PORCN: variants seen among roughly 807,000 people sequenced by gnomAD.
The protein encoded by PORCN is protein-serine O-palmitoleoyltransferase porcupine.
In PORCN, 1 loss-of-function variant was observed where a neutral mutation model predicts 43.0. That is an observed-to-expected ratio of 0.02 (90% CI 0.01 to 0.11). PORCN has a LOEUF of 0.11. PORCN is among the 10% of genes least tolerant of loss of function. PORCN has a pLI of 1.00. For missense variants in PORCN, 240 were observed against 392.1 expected (o/e 0.61, Z 3.28); for synonymous variants, 148 against 166.4 (o/e 0.89, Z 0.85).
Position 48,516,141 on chromosome X carries a change from C to A in PORCN, c.1168C>A (p.Arg390Ser). ...RCPPDCSHQH[R>S]LGLGVRALNL... ...CCCGCCAGACTGTTCGCACCAGCAT[C>A]GCTTGGTGAGGGTTCAGCCTGGGCA... is the stretch of plus-strand genomic sequence containing the variant. The change falls in exon 13 of 15, where the codon CGC becomes AGC. Residue 390 changes from arginine (R) to serine (S), a missense_variant. Physicochemically the swap from Arg to Ser is moderately radical, Grantham distance 110. Transcript: ENST00000326194. 1 of 1,209,460 alleles carries A rather than the reference C, an allele frequency of 8.3e-7. No individual in the cohort carries two copies. The highest frequency in any genetic ancestry group is 1.1e-6 in the Non-Finnish European group (1 of 893,519).
At chrX:48,518,159 T>A (rs1556975819) in intron 14 of PORCN, among the ~76,000 whole-genome samples, 2 of 109,064 alleles carry the variant, frequency 1.8e-5, no homozygotes, top group African/African-American at 6.7e-5. Context: ...AGCAATCCCC[T>A]TGCCTCAACC....
At chrX:48,509,619 G>A (rs2061659803) in intron 1 of PORCN, 165 bp from the exon 2 acceptor site, 6 of 1,136,849 alleles carry the variant, frequency 5.3e-6, no homozygotes, top group African/African-American at 1.8e-5. Context: ...ACAGTTGGTG[G>A]CTCAGTCTGA....
chrX:48,520,453 A>G lies in PORCN; in HGVS notation c.1363A>G (p.Ile455Val), dbSNP rs369356344. 3.6e-4 allele frequency: 433 copies of G among 1,205,573 alleles called. No individual in the cohort carries two copies. Among genetic ancestry groups the G allele is most frequent in the Non-Finnish European group, 4.8e-4 (426 of 891,661 alleles). Reference sequence around the variant, plus strand: ...TCACTGGGTCACTTTTGGATGCTGGATCTTCTACCGTCTCATAGGCTGAGG... The same window carrying G: ...TCACTGGGTCACTTTTGGATGCTGGGTCTTCTACCGTCTCATAGGCTGAGG... Reference protein sequence around the residue: ...ASHWVTFGCWIFYRLIG With the variant: ...ASHWVTFGCWVFYRLIG The change falls in exon 15 of 15, where the codon ATC (isoleucine) becomes GTC (valine). Residue 455 changes from isoleucine to valine, a missense_variant. By Grantham distance (29) the Ile-to-Val change is conservative. Coordinates refer to ENST00000326194, the MANE Select transcript of PORCN (RefSeq NM_203475.3).
At chrX:48,515,231 G>T (rs2061707515) in intron 10 of PORCN, among the ~76,000 whole-genome samples, 1 of 112,410 alleles carries the variant, frequency 8.9e-6, no homozygotes, top group Admixed American at 9.4e-5. Flanking sequence ...GCTCTGAGCA[G>T]AGGAGGGCCC....
Position 48,512,436 on chromosome X carries a change from G to A in PORCN, c.484G>A (p.Val162Met), listed in dbSNP as rs1386381284. The change falls in exon 5 of 15, where the codon GTG becomes ATG. Residue 162 changes from valine to methionine, a missense_variant. By Grantham distance (21) the Val-to-Met change is conservative. Transcript: ENST00000326194. ...PVEFMGYLYFVGTIVFGPWIS... is the reference protein window; with the variant it reads ...PVEFMGYLYFMGTIVFGPWIS... ...GGAGTTCATGGGCTACCTCTACTTC[G>A]TGGGCACCATCGTCTTCGGGCCCTG... 1.4e-5 allele frequency: 17 copies of A among 1,209,349 alleles called. No homozygotes were observed. The Admixed American group carries it at 2.0e-4, about 14-fold the overall frequency.
rs2061677895 is a variant in PORCN at position 48,511,822 on chromosome X, C to A, written c.330-70C>A. ...GAACCCTCTGGGCACCTTGGACCCC[C>A]TTCCCCTGTCCCCCATGGTCTCAGA... On this transcript the variant is annotated intron_variant, in intron 3 of 14. Coordinates refer to ENST00000326194, the MANE Select transcript of PORCN (RefSeq NM_203475.3). 2.0e-5 allele frequency: 21 copies of A among 1,031,172 alleles called. No homozygotes were observed. The East Asian group carries it at 6.4e-4, about 31-fold the overall frequency. The allele number at this position is 1,031,172 out of a possible 1,213,427, so 85.0% of individuals were successfully genotyped here. A position where few individuals can be genotyped will look rare whatever the true frequency, so the allele number is the denominator to read the frequency against.
chrX:48,510,981 A>G (rs963008394), intron 2 of PORCN, among the ~76,000 whole-genome samples: 2 of 111,948 alleles, frequency 1.8e-5, no homozygotes, highest in Admixed American at 1.9e-4. Context: ...ATATAAATTG[A>G]TATTTGAATT....
In PORCN at chrX:48,514,612, T is replaced by C; in HGVS notation, c.933T>C (p.Tyr311=). 8.3e-7 allele frequency: 1 copy of C among 1,206,696 alleles called. No homozygotes were observed. Among genetic ancestry groups the C allele is most frequent in the Non-Finnish European group, 1.1e-6 (1 of 890,669 alleles). ...CAAGCTGGAACCTGCCCATGTCTTA[T>C]TGGCTAAATAACTGTGAGTCACCAA... The part of the protein sequence containing the change: ...VVTSWNLPMS[Y]WLNNYVFKNA... The change falls in exon 10 of 15, where the codon TAT becomes TAC. Residue 311 remains tyrosine, a synonymous_variant. Transcript: ENST00000326194.
chrX:48,519,238 T>G (rs1602083718), intron 14 of PORCN, among the ~76,000 whole-genome samples: 1 of 111,584 alleles, frequency 9.0e-6, no homozygotes, highest in African/African-American at 3.3e-5. Flanking sequence ...ATTGCAGGCG[T>G]GAGCCACCGC....
At chrX:48,515,832 G>A in intron 11 of PORCN, 39 bp downstream of exon 11, 2 of 1,197,168 alleles carry the variant, frequency 1.7e-6, no homozygotes, top group Non-Finnish European at 2.3e-6. Flanking sequence ...GAAGCTGGGT[G>A]GGGGCGGGTG....
intron 7 of PORCN, among the ~76,000 whole-genome samples, chrX:48,513,486 A>G (rs1294272968): frequency 9.0e-6 from 1 of 111,341 alleles, no homozygotes; most frequent in African/African-American, 3.3e-5. Flanking sequence ...TAGTTTGACT[A>G]TAGGGTTTGA....
At chrX:48,509,231 T>C (rs1162729599) in intron 1 of PORCN, 128 bp downstream of exon 1, 5 of 220,501 alleles carry the variant, frequency 2.3e-5, no homozygotes, top group Non-Finnish European at 4.3e-5. Context: ...TCAGGCTATG[T>C]CTCCTACCAC....
chrX:48,511,163 C>T, intron 2 of PORCN, 132 bp from the exon 3 acceptor site: 1 of 602,749 alleles, frequency 1.7e-6, no homozygotes, highest in Non-Finnish European at 2.7e-6. Context: ...CCTCCCCTTC[C>T]TACTAGCCCA....
chrX:48,514,680 A>G, intron 10 of PORCN, 55 bp downstream of exon 10: 1 of 977,810 alleles, frequency 1.0e-6, no homozygotes, highest in Non-Finnish European at 1.5e-6. Context: ...CCTTTCATAC[A>G]TTCATACAAC....
At chrX:48,512,032 C>T in intron 4 of PORCN, 97 bp downstream of exon 4, 1 of 682,974 alleles carries the variant, frequency 1.5e-6, no homozygotes, top group Admixed American at 2.3e-5. Flanking sequence ...CTGCTTTTCT[C>T]CCTCACCTGC....
chrX:48,517,727 G>A (rs1210945246), intron 14 of PORCN, among the ~76,000 whole-genome samples: 1 of 109,828 alleles, frequency 9.1e-6, no homozygotes, highest in Non-Finnish European at 1.9e-5. Flanking sequence ...GCTAAGGCAG[G>A]AGAATCACTT....
intron 14 of PORCN, among the ~76,000 whole-genome samples, chrX:48,517,831 T>C (rs1556975763): frequency 9.0e-6 from 1 of 111,333 alleles, no homozygotes; most frequent in East Asian, 2.8e-4. Flanking sequence ...AATCACTTTA[T>C]AGAGATGGAG....
In PORCN at chrX:48,512,716, G is replaced by T; in HGVS notation, c.683G>T (p.Arg228Leu). 2.5e-6 allele frequency: 3 copies of T among 1,212,149 alleles called. No individual in the cohort carries two copies. The highest frequency in any genetic ancestry group is 3.3e-6 in the Non-Finnish European group (3 of 895,550). ...FIPLNGDRLL[R>L]NKKRKARGTM... is the part of the protein sequence containing the mutation. ...CCCCTCAACGGTGACCGCCTCCTTC[G>T]CAAGTGAGCACAGCCTTCGAGGCCC... Residue 228 changes from arginine to leucine, a missense_variant, in exon 6 of 15, where the codon CGC becomes CTC. By Grantham distance (102) the Arg-to-Leu change is moderately radical. Coordinates refer to ENST00000326194, the MANE Select transcript of PORCN (RefSeq NM_203475.3).
rs1556974241 is a variant in PORCN, at chrX:48,512,731, C to T, written c.686+12C>T. On this transcript the variant is annotated intron_variant, in intron 6 of 14. Transcript: ENST00000326194. ...CGCCTCCTTCGCAAGTGAGCACAGC[C>T]TTCGAGGCCCCTGCCCAGCAATGAG... 1 of 1,211,242 alleles carries T rather than the reference C, an allele frequency of 8.3e-7. No homozygotes were observed. Among genetic ancestry groups the T allele is most frequent in the Non-Finnish European group, 1.1e-6 (1 of 895,488 alleles).
Sources: gnomAD v4.1 joint callset for allele counts (sites outside exome capture counted in the v4.1 genomes callset) on GRCh38, gnomAD v4.1.1 for gene constraint, MANE v1.5 for transcripts, NCBI Gene and HGNC (gene_info 2026-07-23, HGNC 2026-07-21) for gene names.